The following TEX9 variants were observed in gnomAD, a reference collection of about 807,000 sequenced individuals.
TEX9 encodes the protein testis expressed 9.
A neutral mutation model predicts 59.6 loss-of-function variants in TEX9; 74 were observed. The ratio of observed to expected loss-of-function variants is 1.24; its 90% CI spans 1.03 to 1.51. TEX9 has a LOEUF of 1.51. Among genes scored for constraint, TEX9 ranks in the 40% most tolerant of loss-of-function variants. TEX9 has a pLI of 0.00. For missense variants in TEX9, 522 were observed against 447.8 expected (o/e 1.17, Z -1.49); for synonymous variants, 186 against 152.2 (o/e 1.22, Z -1.64).
intron 1 of TEX9, among the ~76,000 whole-genome samples, chr15:56,339,405 A>AAAC (rs1555434475): frequency 1.7e-5 from 2 of 115,694 alleles, no homozygotes; most frequent in African/African-American, 5.5e-5. Context: ...AAAAAAAAAA[A>AAAC]AAAAAAAAAC....
At chr15:56,402,282 C>G (rs1167996971) in intron 9 of TEX9, among the ~76,000 whole-genome samples, 1 of 151,972 alleles carries the variant, frequency 6.6e-6, no homozygotes, top group African/African-American at 2.4e-5. Context: ...CAAATAGACG[C>G]AATAAAAAAT....
chr15:56,399,132 G>C (rs200420712), intron 9 of TEX9, among the ~76,000 whole-genome samples: 1 of 152,184 alleles, frequency 6.6e-6, no homozygotes, highest in East Asian at 1.9e-4. Context: ...AGCCCACGGA[G>C]GGTGAACTGA....
downstream of TEX9, chr15:56,446,802 A>G (rs759168804): frequency 6.9e-7 from 1 of 1,442,900 alleles, no homozygotes; most frequent in Non-Finnish European, 9.6e-7. Context: ...TTTATTTTCT[A>G]AATGAAGCTA....
exon 1 of TEX9, chr15:56,365,474 C>T: frequency 6.2e-7 from 1 of 1,614,062 alleles, no homozygotes. Flanking sequence ...GTCTGTGTCT[C>T]ACGGTCAGTT....
In TEX9 at chr15:56,388,521, G is replaced by T. The variant is rs776191950; in HGVS notation, c.312+1G>T. The T allele has an allele frequency of 6.2e-7, 1 of 1,610,838 alleles. No individual in the cohort carries two copies. Among genetic ancestry groups the T allele is most frequent in the South Asian group, 1.1e-5 (1 of 90,902 alleles). ...AGTTCATCTTCATTCAGAAACTAAG[G>T]TATGAAATCAAACTTTCTGTGAATG... On this transcript the variant is annotated splice_donor_variant, in intron 5 of 12. Coordinates refer to ENST00000352903, the Ensembl canonical transcript of TEX9. LOFTEE classifies it high-confidence loss of function.
intron 1 of TEX9, among the ~76,000 whole-genome samples, chr15:56,284,161 T>G (rs2044885634): frequency 6.6e-6 from 1 of 152,120 alleles, no homozygotes; most frequent in Non-Finnish European, 1.5e-5. Context: ...CACTTCTCCT[T>G]TTTTTTCTTT....
intron 9 of TEX9, chr15:56,398,483 T>A (rs2048590510): frequency 6.6e-6 from 1 of 152,246 alleles, no homozygotes; most frequent in South Asian, 2.1e-4. Context: ...TTTTAATTTG[T>A]CATGACTTTA....
upstream of TEX9, among the ~76,000 whole-genome samples, chr15:56,365,082 C>T (rs553345318): frequency 2.4e-4 from 37 of 152,264 alleles, no homozygotes; most frequent in African/African-American, 8.2e-4. Flanking sequence ...TTTAAGCAAA[C>T]GGGGTGAAGG....
At chr15:56,329,992 C>G (rs1401616554) in intron 1 of TEX9, among the ~76,000 whole-genome samples, 2 of 147,534 alleles carry the variant, frequency 1.4e-5, no homozygotes, top group East Asian at 3.9e-4. Context: ...TCCCAAAAGT[C>G]AAGGATAAAG....
At chr15:56,344,812 T>A (rs185195316) in intron 1 of TEX9, among the ~76,000 whole-genome samples, 305 of 152,042 alleles carry the variant, frequency 2.0e-3, no homozygotes, top group African/African-American at 6.9e-3. Flanking sequence ...CTTCTTTTTT[T>A]AAAAAATTAA....
chr15:56,445,138 C>T (rs1348354690), intron 12 of TEX9, among the ~76,000 whole-genome samples: 2 of 151,992 alleles, frequency 1.3e-5, no homozygotes, highest in African/African-American at 4.8e-5. Flanking sequence ...TCTTAAGTTT[C>T]TCCTAGCCTA....
chr15:56,345,867 ATGT>A (rs778017402), intron 1 of TEX9, among the ~76,000 whole-genome samples: 2 of 152,188 alleles, frequency 1.3e-5, no homozygotes, highest in Non-Finnish European at 2.9e-5. Flanking sequence ...GCTGGACAGC[ATGT>A]TGTTGTAGGA....
At chr15:56,275,866 G>A (rs2044655888) in intron 1 of TEX9, among the ~76,000 whole-genome samples, 1 of 151,466 alleles carries the variant, frequency 6.6e-6, no homozygotes, top group Non-Finnish European at 1.5e-5. Context: ...GCAATAAATT[G>A]CCTTCATTTT....
intron 9 of TEX9, 104 bp downstream of exon 9, chr15:56,394,938 A>G: frequency 9.0e-7 from 1 of 1,115,482 alleles, no homozygotes. Flanking sequence ...TTATTTTATT[A>G]GTATTTACTG....
the TEX9 span, among the ~76,000 whole-genome samples, chr15:56,455,034 C>T: frequency 4.6e-5 from 7 of 152,182 alleles, no homozygotes; most frequent in African/African-American, 1.7e-4. Context: ...TTGGAATCAG[C>T]AGAAACCTCT....
intron 1 of TEX9, among the ~76,000 whole-genome samples, chr15:56,313,539 G>A: frequency 2.2e-5 from 3 of 138,344 alleles, no homozygotes; most frequent in Non-Finnish European, 3.2e-5. Context: ...TGTGCTGCTG[G>A]ATTCGTTTTG....
At chr15:56,365,337 C>T, upstream of TEX9, 1 of 1,386,674 alleles carries the variant, frequency 7.2e-7, no homozygotes, top group Non-Finnish European at 9.6e-7. Flanking sequence ...CCGCTCGCAG[C>T]ACAGAACCTG....
chr15:56,453,994 T>C, the TEX9 span, among the ~76,000 whole-genome samples: 9 of 152,306 alleles, frequency 5.9e-5, no homozygotes, highest in East Asian at 1.5e-3. Context: ...ACATGCCAAT[T>C]TGAAATACAG....
chr15:56,273,278 C>G (rs1357975381), intron 1 of TEX9, among the ~76,000 whole-genome samples: 5 of 152,050 alleles, frequency 3.3e-5, no homozygotes, highest in African/African-American at 9.7e-5. Context: ...AATATTATCT[C>G]TACTATTGGT....
Sources: allele counts gnomAD v4.1 joint callset (sites outside exome capture counted in the v4.1 genomes callset), GRCh38; gene constraint gnomAD v4.1.1; transcripts MANE v1.5; gene names NCBI Gene and HGNC (gene_info 2026-07-23, HGNC 2026-07-21).